The following PDE4D variants were observed in gnomAD, a reference collection of about 807,000 sequenced individuals.
The protein encoded by PDE4D is 3',5'-cyclic-AMP phosphodiesterase 4D.
A neutral mutation model predicts 87.4 loss-of-function variants in PDE4D; 24 were observed. That is an observed-to-expected ratio of 0.27 (90% CI 0.20 to 0.39). The LOEUF is 0.39. Among genes scored for constraint, PDE4D ranks in the 10% least tolerant of loss-of-function variants. PDE4D has a pLI of 1.00. For missense variants in PDE4D, 714 were observed against 1,041.0 expected (o/e 0.69, Z 4.32); for synonymous variants, 384 against 383.2 (o/e 1.00, Z -0.02).
At chr5:59,225,599 T>C in intron 1 of PDE4D, among the ~76,000 whole-genome samples, 1 of 152,116 alleles carries the variant, frequency 6.6e-6, no homozygotes, top group Middle Eastern at 3.4e-3. Context: ...AGTTTCCTAA[T>C]CCACAGCAGC....
At chr5:59,407,553 G>A (rs1039744029) in intron 1 of PDE4D, among the ~76,000 whole-genome samples, 2 of 152,168 alleles carry the variant, frequency 1.3e-5, no homozygotes, top group African/African-American at 4.8e-5. Flanking sequence ...GAATTGGGAG[G>A]GCTCAGGAGA....
intron 1 of PDE4D, among the ~76,000 whole-genome samples, chr5:59,291,991 TGA>T (rs1415519017): frequency 6.6e-6 from 1 of 152,070 alleles, no homozygotes; most frequent in African/African-American, 2.4e-5. Flanking sequence ...GCAAAAAAGT[TGA>T]GTCTTAAGTA....
chr5:60,005,865 G>A (rs981214230), intron 2 of PDE4D, among the ~76,000 whole-genome samples: 1 of 151,588 alleles, frequency 6.6e-6, no homozygotes. Flanking sequence ...GATAGAAAGA[G>A]GAAATTTATA....
At chr5:58,987,955 T>G (rs1458163999) in intron 11 of PDE4D, among the ~76,000 whole-genome samples, 2 of 149,770 alleles carry the variant, frequency 1.3e-5, no homozygotes, top group East Asian at 3.9e-4. Context: ...ATTTCCAAAT[T>G]CAGTGATGAC....
chr5:60,241,149 A>G (rs1747062531), intron 1 of PDE4D, among the ~76,000 whole-genome samples: 1 of 152,156 alleles, frequency 6.6e-6, no homozygotes, highest in Non-Finnish European at 1.5e-5. Context: ...GGAATTTAGA[A>G]TAATATCAGA....
intron 1 of PDE4D, among the ~76,000 whole-genome samples, chr5:59,344,988 G>C (rs2153583565): frequency 6.6e-6 from 1 of 152,128 alleles, no homozygotes; most frequent in South Asian, 2.1e-4. Flanking sequence ...TATGCCAGAA[G>C]CCGGATTGAT....
At chr5:59,844,997 C>A (rs1373452468) in intron 1 of PDE4D, among the ~76,000 whole-genome samples, 2 of 152,020 alleles carry the variant, frequency 1.3e-5, no homozygotes, top group East Asian at 3.9e-4. Flanking sequence ...CTGCAGGTGG[C>A]CTCAAGGGGC....
At chr5:59,399,004 C>T (rs1373695697) in intron 1 of PDE4D, among the ~76,000 whole-genome samples, 1 of 117,078 alleles carries the variant, frequency 8.5e-6, no homozygotes, top group African/African-American at 3.5e-5. Context: ...GAATAAAACA[C>T]CTAGGAATCC....
intron 1 of PDE4D, among the ~76,000 whole-genome samples, chr5:59,500,416 T>C (rs1808091324): frequency 1.3e-5 from 2 of 152,120 alleles, no homozygotes; most frequent in Admixed American, 1.3e-4. Context: ...CAGGAAATAC[T>C]ATACAGCCAT....
intron 1 of PDE4D, among the ~76,000 whole-genome samples, chr5:59,484,980 G>C (rs185806563): frequency 6.6e-6 from 1 of 152,134 alleles, no homozygotes; most frequent in African/African-American, 2.4e-5. Flanking sequence ...AATCCCCATG[G>C]CAAAATCAGA....
intron 5 of PDE4D, among the ~76,000 whole-genome samples, chr5:59,058,794 C>T (rs1036526457): frequency 6.6e-6 from 1 of 152,110 alleles, no homozygotes; most frequent in Admixed American, 6.6e-5. Flanking sequence ...AAATCACTTC[C>T]GTAAGTTTAA....
chr5:59,224,541 T>C (rs896463405), intron 1 of PDE4D, among the ~76,000 whole-genome samples: 2 of 152,112 alleles, frequency 1.3e-5, no homozygotes, highest in Admixed American at 1.3e-4. Flanking sequence ...TTTGACACAA[T>C]GATATGATAA....
At chr5:59,630,713 A>AT (rs1831458433) in intron 1 of PDE4D, among the ~76,000 whole-genome samples, 1 of 152,176 alleles carries the variant, frequency 6.6e-6, no homozygotes, top group Non-Finnish European at 1.5e-5. Flanking sequence ...CAACTTCTAT[A>AT]ATAGAAGCAG....
chr5:60,435,327 T>C lies in PDE4D; in HGVS notation c.-90+52615A>G, dbSNP rs539420464. Among the ~76,000 whole-genome samples the C allele has an allele frequency of 5.3e-5, 8 of 152,246 alleles. No individual in the cohort carries two copies. The South Asian group carries it at 1.4e-3, about 28-fold the overall frequency. ...TTTAAATTGTTTAAATCTTCCCTTT[T>C]TCTAAAGTACCTGCTTGATAGACAC... On this transcript the variant is annotated intron_variant, in intron 1 of 16. Transcript: ENST00000502484.
At chr5:59,536,692 C>T (rs1815330723) in intron 1 of PDE4D, among the ~76,000 whole-genome samples, 1 of 151,930 alleles carries the variant, frequency 6.6e-6, no homozygotes, top group Non-Finnish European at 1.5e-5. Context: ...TTTCTAAGAC[C>T]TTTATTCAGA....
intron 11 of PDE4D, among the ~76,000 whole-genome samples, chr5:58,978,528 A>T (rs1744354821): frequency 6.6e-6 from 1 of 152,354 alleles, no homozygotes; most frequent in Admixed American, 6.5e-5. Flanking sequence ...TTGGAAATAT[A>T]TATCTTTTTT....
chr5:59,261,431 G>C (rs1353622205), intron 1 of PDE4D, among the ~76,000 whole-genome samples: 1 of 151,798 alleles, frequency 6.6e-6, no homozygotes, highest in East Asian at 1.9e-4. Context: ...GCTAGTAGCA[G>C]TTATTTATAG....
At chr5:60,070,526 C>T (rs1262011563) in intron 2 of PDE4D, among the ~76,000 whole-genome samples, 4 of 152,084 alleles carry the variant, frequency 2.6e-5, no homozygotes, top group Non-Finnish European at 5.9e-5. Flanking sequence ...ACCATTCTAA[C>T]ATCCCAAGTA....
chr5:59,240,223 G>A (rs1329097137), intron 1 of PDE4D, among the ~76,000 whole-genome samples: 2 of 151,988 alleles, frequency 1.3e-5, no homozygotes, highest in African/African-American at 4.8e-5. Context: ...TTTGACTCTA[G>A]GACCATTATT....
Sources: allele counts gnomAD v4.1 joint callset (sites outside exome capture counted in the v4.1 genomes callset), GRCh38; gene constraint gnomAD v4.1.1; transcripts MANE v1.5; gene names NCBI Gene and HGNC (gene_info 2026-07-23, HGNC 2026-07-21).